Variants in NFATC2 observed in about 807,000 individuals in gnomAD.
The protein encoded by NFATC2 is nuclear factor of activated T cells 2.
NFATC2 carries 22 observed loss-of-function variants against 87.3 expected under a neutral mutation model. The ratio of observed to expected loss-of-function variants is 0.25; its 90% CI spans 0.18 to 0.36. The LOEUF (loss-of-function observed/expected upper bound fraction) is 0.36, where lower values mean the gene tolerates loss of function less well. Ranked by LOEUF, NFATC2 falls within the 10% of genes least tolerant of loss-of-function variation. NFATC2 has a pLI of 1.00. For synonymous variants in NFATC2, 565 were observed against 542.2 expected (o/e 1.04, Z -0.58); for missense variants, 1,149 against 1,259.1 (o/e 0.91, Z 1.32).
chr20:51,477,556 T>TATACAC (rs1988835692), intron 3 of NFATC2, among the ~76,000 whole-genome samples: 1 of 119,818 alleles, frequency 8.3e-6, no homozygotes, highest in African/African-American at 3.0e-5. Flanking sequence ...TATATATATA[T>TATACAC]ATATATATAT....
At chr20:51,497,712 CA>C (rs1357726027) in intron 3 of NFATC2, among the ~76,000 whole-genome samples, 1 of 151,912 alleles carries the variant, frequency 6.6e-6, no homozygotes, top group African/African-American at 2.4e-5. Flanking sequence ...GCAGATTGGC[CA>C]GGGAGGGGGC....
chr20:51,439,518 G>T (rs901470468), intron 6 of NFATC2, among the ~76,000 whole-genome samples: 1 of 152,186 alleles, frequency 6.6e-6, no homozygotes, highest in African/African-American at 2.4e-5. Context: ...GCCCTTCCTC[G>T]GGACGCCCCA....
intron 1 of NFATC2, among the ~76,000 whole-genome samples, chr20:51,559,661 A>G (rs2077005379): frequency 1.3e-5 from 2 of 152,236 alleles, no homozygotes; most frequent in African/African-American, 4.8e-5. Flanking sequence ...CAGAGCACTT[A>G]GCCCCTTGTC....
chr20:51,426,179 A>C (rs1347768173), intron 9 of NFATC2, among the ~76,000 whole-genome samples: 1 of 152,200 alleles, frequency 6.6e-6, no homozygotes, highest in African/African-American at 2.4e-5. Context: ...AAATCAAGGC[A>C]ATTAAATTCA....
rs1988492115 is a variant in NFATC2, at chr20:51,474,090, G to A, written c.1598C>T (p.Thr533Met). The A allele has an allele frequency of 1.2e-6, 2 of 1,614,198 alleles. No homozygotes were observed. Among genetic ancestry groups the A allele is most frequent in the East Asian group, 2.2e-5 (1 of 44,886 alleles). ...NADIELRKGE[T>M]DIGRKNTRVR... ...CCGCGTGTTCTTTCTTCCAATGTCC[G>A]TCTCGCCTTTCCGCAGCTCAATGTC... Residue 533 changes from threonine (T) to methionine (M), a missense_variant, in exon 5 of 11, where the codon ACG becomes ATG. By Grantham distance (81) the Thr-to-Met change is moderately conservative. Around this residue, in one of 3 missense-constraint regions of NFATC2, gnomAD observed 581 missense variants for 649.7 expected, o/e 0.89. Transcript: ENST00000371564.
chr20:51,519,920 A>G (rs2076416754), intron 2 of NFATC2, among the ~76,000 whole-genome samples: 1 of 151,974 alleles, frequency 6.6e-6, no homozygotes, highest in South Asian at 2.1e-4. Flanking sequence ...CATCTAAAAA[A>G]AAAAAAAAAA....
chr20:51,473,919 G>A (rs779575265), intron 5 of NFATC2, 61 bp downstream of exon 5: 203 of 1,563,752 alleles, frequency 1.3e-4, no homozygotes, highest in Middle Eastern at 3.4e-4. Flanking sequence ...CACTGCTCCC[G>A]GGGGAAGCCC....
intron 6 of NFATC2, among the ~76,000 whole-genome samples, chr20:51,442,490 C>G (rs1342355037): frequency 6.6e-6 from 1 of 152,018 alleles, no homozygotes; most frequent in African/African-American, 2.4e-5. Flanking sequence ...ATGCTGCAGA[C>G]CAGTATGTAC....
chr20:51,480,997 C>T lies in NFATC2; in HGVS notation c.1333-5337G>A, dbSNP rs140227643. ...CTCAGTGGGCTGGCTCAACAGTTGC[C>T]GGCTTGGAGTGTCAGAGGAAAGAGG... On this transcript the variant is annotated intron_variant, in intron 3 of 10. Transcript: ENST00000371564. The surrounding 1 kb of genome is among the most constrained non-coding windows in gnomAD (Gnocchi z 4.2). Among the ~76,000 whole-genome samples, 22 of 152,248 alleles carry T rather than the reference C, an allele frequency of 1.4e-4. No homozygotes were observed. Among genetic ancestry groups the T allele is most frequent in the Admixed American group, 5.9e-4 (9 of 15,288 alleles).
chr20:51,542,226 C>T lies in NFATC2; in HGVS notation c.130+144G>A, dbSNP rs984245124. On this transcript the variant is annotated intron_variant, in intron 1 of 10. Coordinates refer to ENST00000371564, the MANE Select transcript of NFATC2 (RefSeq NM_012340.5). ...GTGGCAGGGGCCACTGACGCCTCCC[C>T]TCCCTGGCACCTGGGTAGGGGCACC... 9.4e-6 allele frequency: 10 copies of T among 1,058,818 alleles called. No homozygotes were observed. The East Asian group carries it at 1.3e-4, about 14-fold the overall frequency. 65.6% of individuals were successfully genotyped at this position (1,058,818 alleles called of 1,614,324 possible). A position where few individuals can be genotyped will look rare whatever the true frequency, so the allele number is the denominator to read the frequency against.
intron 10 of NFATC2, among the ~76,000 whole-genome samples, chr20:51,394,170 G>A (rs1236430650): frequency 6.6e-6 from 1 of 152,036 alleles, no homozygotes; most frequent in Non-Finnish European, 1.5e-5. Flanking sequence ...TTGTTCCCCT[G>A]ACTGCCAACA....
chr20:51,485,690 G>C (rs182206221), intron 3 of NFATC2, among the ~76,000 whole-genome samples: 30 of 152,102 alleles, frequency 2.0e-4, no homozygotes, highest in African/African-American at 7.0e-4. Context: ...GTCATGGCGG[G>C]AAAGTTACTT....
At chr20:51,542,082 C>T (rs962251554) in intron 1 of NFATC2, among the ~76,000 whole-genome samples, 1 of 152,214 alleles carries the variant, frequency 6.6e-6, no homozygotes, top group African/African-American at 2.4e-5. Flanking sequence ...ACCCGCCCCC[C>T]AGCCTTGGGA....
At chr20:51,507,664 C>G (rs986685024) in intron 3 of NFATC2, among the ~76,000 whole-genome samples, 5 of 152,222 alleles carry the variant, frequency 3.3e-5, no homozygotes, top group Non-Finnish European at 7.3e-5. Flanking sequence ...CCAAAGCTAC[C>G]AAACCCTAGA....
chr20:51,497,595 T>A (rs1398164071), intron 3 of NFATC2, among the ~76,000 whole-genome samples: 1 of 152,148 alleles, frequency 6.6e-6, no homozygotes, highest in Non-Finnish European at 1.5e-5. Flanking sequence ...CCCCCCATGA[T>A]AGACGTTCGC....
upstream of NFATC2, chr20:51,542,857 C>T: frequency 2.3e-6 from 1 of 432,132 alleles, no homozygotes; most frequent in Non-Finnish European, 3.1e-6. Context: ...CTGGCCGGTG[C>T]CGGGAGGAAG....
At chr20:51,515,277 A>G (rs11696516) in intron 3 of NFATC2, among the ~76,000 whole-genome samples, 1 of 152,000 alleles carries the variant, frequency 6.6e-6, no homozygotes, top group Non-Finnish European at 1.5e-5. Flanking sequence ...AGAGACTAAG[A>G]GTGCAGCGGA....
intron 1 of NFATC2, among the ~76,000 whole-genome samples, chr20:51,551,069 A>G (rs768069423): frequency 6.6e-6 from 1 of 152,222 alleles, no homozygotes; most frequent in Non-Finnish European, 1.5e-5. Context: ...TCCAAAAACC[A>G]TCTCCCTTCA....
chr20:51,516,860 T>C lies in NFATC2; in HGVS notation c.1256A>G (p.His419Arg). Residue 419 changes from histidine (H) to arginine (R), a missense_variant, in exon 3 of 11, where the codon CAT becomes CGT. By Grantham distance (29) the His-to-Arg change is conservative (BLOSUM62 0). Around this residue, in one of 3 missense-constraint regions of NFATC2, gnomAD observed 5 missense variants for 24.3 expected, o/e 0.21. Transcript: ENST00000371564. ...TTCTGTCTCATAGTGGGCCCGGTGA[T>C]GTGGCTTGGGCTGCACCTCGATCCG... ...ELRIEVQPKP[H>R]HRAHYETEGS... The C allele has an allele frequency of 6.2e-7, 1 of 1,614,166 alleles. No individual in the cohort carries two copies. The highest frequency in any genetic ancestry group is 8.5e-7 in the Non-Finnish European group (1 of 1,180,018).
Sources: gnomAD v4.1 joint callset for allele counts (sites outside exome capture counted in the v4.1 genomes callset) on GRCh38, gnomAD v4.1.1 for gene constraint, gnomAD v4.1.1 regional missense constraint, Gnocchi (gnomAD v3.1) non-coding constraint, MANE v1.5 for transcripts, NCBI Gene and HGNC (gene_info 2026-07-23, HGNC 2026-07-21) for gene names.